NAA35: variants seen among roughly 807,000 people sequenced by gnomAD.
The protein encoded by NAA35 is N-alpha-acetyltransferase 35, NatC auxiliary subunit.
In NAA35, 18 loss-of-function variants were observed where a neutral mutation model predicts 101.7. That is an observed-to-expected ratio of 0.18 (90% CI 0.12 to 0.26). The LOEUF (loss-of-function observed/expected upper bound fraction) is 0.26. NAA35 is among the 10% of genes least tolerant of loss of function. The pLI is 1.00. For missense variants in NAA35, 601 were observed against 886.8 expected, an observed-to-expected ratio of 0.68 and a Z score of 4.09; for synonymous variants, 267 against 273.1, an observed-to-expected ratio of 0.98 and a Z score of 0.22.
At chr9:86,011,949 AGTATATAATATATAAT>A (rs936456752) in intron 15 of NAA35, among the ~76,000 whole-genome samples, 8 of 141,466 alleles carry the variant, frequency 5.7e-5, no homozygotes, top group East Asian at 2.0e-4. Flanking sequence ...TATATAATAT[AGTATATAATATATAAT>A]GTATATAATA....
At chr9:86,017,100 G>C (rs919334888) in intron 18 of NAA35, among the ~76,000 whole-genome samples, 1 of 152,256 alleles carries the variant, frequency 6.6e-6, no homozygotes, top group Admixed American at 6.5e-5. Context: ...CCGTTTCAAA[G>C]GGACTGCCCT....
At chr9:85,950,319 C>T (rs1828963049) in intron 2 of NAA35, among the ~76,000 whole-genome samples, 1 of 152,172 alleles carries the variant, frequency 6.6e-6, no homozygotes, top group Non-Finnish European at 1.5e-5. Flanking sequence ...AATCTCAGCT[C>T]ACTGTAACCT....
chr9:85,949,356 G>A (rs1256285539), intron 2 of NAA35, among the ~76,000 whole-genome samples: 5 of 149,064 alleles, frequency 3.4e-5, no homozygotes, highest in African/African-American at 5.0e-5. Flanking sequence ...GTGTAATGGC[G>A]CAATCTCGGC....
At chr9:85,959,756 A>G in intron 4 of NAA35, 37 bp from the exon 5 acceptor site, 3 of 1,493,258 alleles carry the variant, frequency 2.0e-6, no homozygotes, top group Non-Finnish European at 2.8e-6. Context: ...GTTTAAAAAA[A>G]TTTCTGCTTA....
At chr9:85,990,164 A>T (rs1830840542) in intron 11 of NAA35, among the ~76,000 whole-genome samples, 1 of 152,230 alleles carries the variant, frequency 6.6e-6, no homozygotes, top group Non-Finnish European at 1.5e-5. Flanking sequence ...AGACATGTGG[A>T]AAGAGGGACC....
chr9:85,993,636 A>T (rs1015910704), intron 11 of NAA35, among the ~76,000 whole-genome samples: 8 of 152,206 alleles, frequency 5.3e-5, no homozygotes, highest in African/African-American at 1.9e-4. Flanking sequence ...TGAACTGTAC[A>T]TTTAATGTTT....
At chr9:86,008,051 T>C (rs1035235014) in intron 14 of NAA35, among the ~76,000 whole-genome samples, 2 of 152,180 alleles carry the variant, frequency 1.3e-5, no homozygotes, top group African/African-American at 4.8e-5. Flanking sequence ...AGAGGTGTTT[T>C]AGATTTCTGA....
intron 11 of NAA35, among the ~76,000 whole-genome samples, chr9:85,985,506 G>C (rs543301846): frequency 2.0e-5 from 3 of 152,210 alleles, no homozygotes; most frequent in Admixed American, 6.5e-5. Context: ...TGTATTGTAT[G>C]ATTTCCATTT....
chr9:86,005,865 G>T (rs980446130), intron 13 of NAA35, among the ~76,000 whole-genome samples: 3 of 151,280 alleles, frequency 2.0e-5, no homozygotes, highest in African/African-American at 7.3e-5. Flanking sequence ...TCACCTTTCA[G>T]AATATCTTTA....
At chr9:85,941,526 C>T (rs1828513932) in intron 1 of NAA35, 9 of 985,676 alleles carry the variant, frequency 9.1e-6, no homozygotes, top group Non-Finnish European at 1.1e-5. Context: ...CAGCTCTGTC[C>T]TTGCTTATGC....
At chr9:85,966,634 T>C in intron 6 of NAA35, 1 of 1,298,820 alleles carries the variant, frequency 7.7e-7, no homozygotes, top group Non-Finnish European at 1.0e-6. Flanking sequence ...TTCATGAATA[T>C]AATTTTAAAA....
chr9:85,983,072 C>G (rs146100362), intron 11 of NAA35, among the ~76,000 whole-genome samples: 1 of 152,100 alleles, frequency 6.6e-6, no homozygotes, highest in Non-Finnish European at 1.5e-5. Context: ...ATTTCATCCC[C>G]CTTTTTGCTG....
rs1832364736 is a variant in NAA35 at position 86,018,786 on chromosome 9, A to G, written c.2002A>G (p.Met668Val). The change falls in exon 21 of 23, where the codon ATG becomes GTG. Residue 668 changes from methionine (M) to valine (V), a missense_variant. Met to Val is a conservative substitution (Grantham distance 21). Coordinates refer to ENST00000361671, the MANE Select transcript of NAA35 (RefSeq NM_024635.4). ...AASKHFQQAK[M>V]ILENIPNPDH... ...TAGTAAGCACTTTCAACAGGCAAAA[A>G]TGATATTGGAAAATATTCCTAACCC... 1 of 1,614,116 alleles carries G rather than the reference A, an allele frequency of 6.2e-7. No individual in the cohort carries two copies. Among genetic ancestry groups the G allele is most frequent in the African/African-American group, 1.3e-5 (1 of 75,044 alleles).
chr9:85,979,820 A>C (rs368125330), intron 11 of NAA35, among the ~76,000 whole-genome samples: 1 of 152,176 alleles, frequency 6.6e-6, no homozygotes, highest in Admixed American at 6.5e-5. Flanking sequence ...GATGCCCTCT[A>C]ATTAAACTCC....
chr9:85,964,808 G>A (rs1416496827), intron 6 of NAA35, among the ~76,000 whole-genome samples: 1 of 152,084 alleles, frequency 6.6e-6, no homozygotes, highest in Non-Finnish European at 1.5e-5. Flanking sequence ...TTTCAATGGC[G>A]ATATTATTTT....
chr9:85,986,367 G>A, intron 11 of NAA35: 1 of 467,602 alleles, frequency 2.1e-6, no homozygotes, highest in Non-Finnish European at 4.4e-6. Flanking sequence ...ATCTAACAGT[G>A]TTGTAGGTGA....
At position 86,022,967 on chromosome 9, in the gene NAA35, A is replaced by G. The variant is rs1832632784; in HGVS notation, c.*1007A>G. ...GGCTTTGGTGGCTTAGCCTAAGACTAGTGACAGTTTTATATTTGGTCTGTG... is the reference window on the plus strand; with the variant it reads ...GGCTTTGGTGGCTTAGCCTAAGACTGGTGACAGTTTTATATTTGGTCTGTG... On this transcript the variant is annotated 3_prime_UTR_variant, in exon 23 of 23. Coordinates refer to ENST00000361671, the MANE Select transcript of NAA35 (RefSeq NM_024635.4). 6.6e-6 allele frequency among the ~76,000 whole-genome samples: 1 copy of G among 152,158 alleles called. No homozygotes were observed. The highest frequency in any genetic ancestry group is 2.4e-5 in the African/African-American group (1 of 41,436).
intron 3 of NAA35, 32 bp from the exon 4 acceptor site, chr9:85,958,440 A>G (rs1829368814): frequency 2.1e-6 from 3 of 1,429,450 alleles, no homozygotes; most frequent in Non-Finnish European, 2.9e-6. Context: ...TGGCTCAAAA[A>G]CAATTTGTTG....
chr9:85,981,828 C>T (rs1400672231), intron 11 of NAA35, among the ~76,000 whole-genome samples: 1 of 152,100 alleles, frequency 6.6e-6, no homozygotes, highest in Admixed American at 6.5e-5. Flanking sequence ...AATGTCTATT[C>T]TAGTAGAAGA....
Sources: gnomAD v4.1 joint callset for allele counts (sites outside exome capture counted in the v4.1 genomes callset) on GRCh38, gnomAD v4.1.1 for gene constraint, MANE v1.5 for transcripts, NCBI Gene and HGNC (gene_info 2026-07-23, HGNC 2026-07-21) for gene names.